The following BCL11B variants were observed in gnomAD, a reference collection of about 807,000 sequenced individuals.
The protein encoded by BCL11B is B-cell lymphoma/leukemia 11B.
BCL11B carries 8 observed loss-of-function variants against 49.9 expected under a neutral mutation model. The observed-to-expected ratio is 0.16, with a 90% CI of 0.09 to 0.29. The LOEUF (loss-of-function observed/expected upper bound fraction) is 0.29. Among genes scored for constraint, BCL11B ranks in the 10% least tolerant of loss-of-function variants. The pLI is 1.00. For synonymous variants in BCL11B, 739 were observed against 637.4 expected (o/e 1.16, Z -2.40); for missense variants, 1,006 against 1,351.0 (o/e 0.74, Z 4.00).
rs973140864 is a variant in BCL11B at position 99,262,191 on chromosome 14, T to A, written c.59-4352A>T. Among the ~76,000 whole-genome samples, 5 of 152,102 alleles carry A rather than the reference T, an allele frequency of 3.3e-5. No individual in the cohort carries two copies. The highest frequency in any genetic ancestry group is 1.2e-4 in the African/African-American group (5 of 41,412). The stretch of plus-strand genomic sequence containing the variant: ...AGCAGGGCCTTACCTGGCCAGTGAC[T>A]CCCCCACACACAGGGTGCCAAGGAC... On this transcript the variant is annotated intron_variant, in intron 1 of 3. Coordinates refer to ENST00000357195, the MANE Select transcript of BCL11B (RefSeq NM_138576.4). The surrounding 1 kb of genome is among the most constrained non-coding windows in gnomAD (Gnocchi z 4.2).
chr14:99,227,487 A>G (rs1202635506), intron 3 of BCL11B, among the ~76,000 whole-genome samples: 2 of 152,134 alleles, frequency 1.3e-5, no homozygotes, highest in Non-Finnish European at 2.9e-5. Flanking sequence ...CCAATCATGG[A>G]AGCCTCAGAA....
rs1040192610 is a variant in BCL11B at position 99,208,665 on chromosome 14, G to A, written c.640+22680C>T. Reference sequence around the variant, plus strand: ...TAATAACACTGCCTCCCTCCTGTCCGGGCAGGCTCGGGGCAGGGCCCCTTC... The same window carrying A: ...TAATAACACTGCCTCCCTCCTGTCCAGGCAGGCTCGGGGCAGGGCCCCTTC... On this transcript the variant is annotated intron_variant, in intron 3 of 3. Coordinates refer to ENST00000357195, the MANE Select transcript of BCL11B (RefSeq NM_138576.4). Among the ~76,000 whole-genome samples, 8 of 152,202 alleles carry A rather than the reference G, an allele frequency of 5.3e-5. No individual in the cohort carries two copies. The East Asian group carries it at 7.7e-4, about 15-fold the overall frequency.
At chr14:99,182,280 G>A (rs1335669724) in intron 3 of BCL11B, among the ~76,000 whole-genome samples, 16 of 152,158 alleles carry the variant, frequency 1.1e-4, no homozygotes, top group East Asian at 3.9e-4. Context: ...AGTACCCACC[G>A]TCATGATGAC....
At chr14:99,227,951 AG>A (rs1260389638) in intron 3 of BCL11B, among the ~76,000 whole-genome samples, 1 of 152,132 alleles carries the variant, frequency 6.6e-6, no homozygotes, top group Non-Finnish European at 1.5e-5. Context: ...AAAGAGGTCT[AG>A]GGTTGGGGTC....
In BCL11B at chr14:99,172,874, C is replaced by A; in HGVS notation, c.*1277G>T. The A allele has an allele frequency of 4.4e-6, 1 of 228,192 alleles. No homozygotes were observed. Among genetic ancestry groups the A allele is most frequent in the Non-Finnish European group, 8.7e-6 (1 of 114,708 alleles). The allele number at this position is 228,192 out of a possible 1,614,324, so 14.1% of individuals were successfully genotyped here. A position where few individuals can be genotyped will look rare whatever the true frequency, so the allele number is the denominator to read the frequency against. On this transcript the variant is annotated 3_prime_UTR_variant, in exon 4 of 4. Coordinates refer to ENST00000357195, the MANE Select transcript of BCL11B (RefSeq NM_138576.4). ...AAAAAAATAAAAACCTGGGAAGTAGCGCTGGGCACCTTCTGATGGAACTCA... is the reference window on the plus strand; with the variant it reads ...AAAAAAATAAAAACCTGGGAAGTAGAGCTGGGCACCTTCTGATGGAACTCA...
rs557896385 is a variant in BCL11B at position 99,272,070 on chromosome 14, G to A, written c.-852C>T. Reference sequence around the variant, plus strand: ...CTCCCCTGGCGCCGCGGGCCCGGGGGGAGCGGGGCGGAGGGGCGGCTCGCC... The same window carrying A: ...CTCCCCTGGCGCCGCGGGCCCGGGGAGAGCGGGGCGGAGGGGCGGCTCGCC... On this transcript the variant is annotated 5_prime_UTR_variant, in exon 1 of 4. Coordinates refer to ENST00000357195, the MANE Select transcript of BCL11B (RefSeq NM_138576.4). This position sits in a 1 kb window ranked among gnomAD's most constrained non-coding sequence, Gnocchi z 6.0. 6.6e-6 allele frequency among the ~76,000 whole-genome samples: 1 copy of A among 152,076 alleles called. No homozygotes were observed. Among genetic ancestry groups the A allele is most frequent in the South Asian group, 2.1e-4 (1 of 4,824 alleles).
At chr14:99,183,170 C>G (rs710308) in intron 3 of BCL11B, among the ~76,000 whole-genome samples, 1 of 151,878 alleles carries the variant, frequency 6.6e-6, no homozygotes, top group Non-Finnish European at 1.5e-5. Context: ...GTTTGACTCA[C>G]CTTGGGGGTT....
At chr14:99,225,055 G>A (rs1888120765) in intron 3 of BCL11B, among the ~76,000 whole-genome samples, 2 of 152,150 alleles carry the variant, frequency 1.3e-5, no homozygotes, top group Admixed American at 6.5e-5. Flanking sequence ...CTCAACATCA[G>A]AGCTCTACCT....
intron 2 of BCL11B, among the ~76,000 whole-genome samples, chr14:99,256,186 A>G (rs1023315694): frequency 6.6e-6 from 1 of 152,200 alleles, no homozygotes; most frequent in African/African-American, 2.4e-5. Context: ...AGAAGCATCG[A>G]AAGCCTGAGT....
chr14:99,231,232 C>A lies in BCL11B; in HGVS notation c.640+113G>T. On this transcript the variant is annotated intron_variant, in intron 3 of 3. Transcript: ENST00000357195. The surrounding 1 kb of genome is among the most constrained non-coding windows in gnomAD (Gnocchi z 8.1). Reference sequence around the variant, plus strand: ...CCACTTCCCCTGGCACCCCAAAAAGCCTTCTGGGTGGGAGCTGCCCTTCCT... The same window carrying A: ...CCACTTCCCCTGGCACCCCAAAAAGACTTCTGGGTGGGAGCTGCCCTTCCT... 8.3e-7 allele frequency: 1 copy of A among 1,197,748 alleles called. No individual in the cohort carries two copies. The highest frequency in any genetic ancestry group is 1.5e-5 in the African/African-American group (1 of 64,572). The allele number at this position is 1,197,748 out of a possible 1,614,324, so 74.2% of individuals were successfully genotyped here.
chr14:99,183,833 G>A (rs927340542), intron 3 of BCL11B, among the ~76,000 whole-genome samples: 1 of 151,164 alleles, frequency 6.6e-6, no homozygotes, highest in Non-Finnish European at 1.5e-5. Flanking sequence ...CCTCCACACC[G>A]GGCCCCCTCC....
chr14:99,256,930 A>C (rs1398603180), intron 2 of BCL11B, among the ~76,000 whole-genome samples: 1 of 152,090 alleles, frequency 6.6e-6, no homozygotes, highest in African/African-American at 2.4e-5. Flanking sequence ...CACATGGGAA[A>C]CTGAGTCCAG....
intron 3 of BCL11B, among the ~76,000 whole-genome samples, chr14:99,198,523 T>C: frequency 6.6e-6 from 1 of 152,176 alleles, no homozygotes; most frequent in East Asian, 1.9e-4. Context: ...TTCACCACTC[T>C]CTTTTCCATG....
At chr14:99,249,789 T>C (rs78626468) in intron 2 of BCL11B, among the ~76,000 whole-genome samples, 2,142 of 152,304 alleles carry the variant, frequency 0.014, 61 homozygotes, top group Admixed American at 0.071. Context: ...GCAGAGTCTT[T>C]AGAATAGTGT....
Position 99,195,897 on chromosome 14 carries a change from C to G in BCL11B, c.641-19702G>C, listed in dbSNP as rs576190056. Among the ~76,000 whole-genome samples the G allele has an allele frequency of 6.6e-6, 1 of 152,242 alleles. No homozygotes were observed. The highest frequency in any genetic ancestry group is 2.4e-5 in the African/African-American group (1 of 41,542). The stretch of plus-strand genomic sequence containing the variant: ...CCCTTAAAATTCTGCAGTCTGCACC[C>G]GCCCCTTGTGTCTGCGCGGCACAGT... On this transcript the variant is annotated intron_variant, in intron 3 of 3. Transcript: ENST00000357195. This position sits in a 1 kb window ranked among gnomAD's most constrained non-coding sequence, Gnocchi z 4.7.
At chr14:99,220,178 G>A (rs567974416) in intron 3 of BCL11B, among the ~76,000 whole-genome samples, 171 of 152,264 alleles carry the variant, frequency 1.1e-3, no homozygotes, top group African/African-American at 3.9e-3. Context: ...TATAGAAAAC[G>A]GTTTGGCAAT....
intron 3 of BCL11B, among the ~76,000 whole-genome samples, chr14:99,218,175 C>G (rs1887907670): frequency 6.7e-6 from 1 of 150,256 alleles, no homozygotes; most frequent in South Asian, 2.1e-4. Flanking sequence ...ACGCCATTCT[C>G]CTGCCTCAGC....
chr14:99,172,717 G>C lies in BCL11B; in HGVS notation c.*1434C>G, dbSNP rs1886330753. Reference sequence around the variant, plus strand: ...ACCTCTGGGCCAAAGAGAAGAATATGCTGCAATTTCTTGTTTAGAAGCCAT... The same window carrying C: ...ACCTCTGGGCCAAAGAGAAGAATATCCTGCAATTTCTTGTTTAGAAGCCAT... On this transcript the variant is annotated 3_prime_UTR_variant, in exon 4 of 4. Transcript: ENST00000357195. 4.6e-6 allele frequency: 1 copy of C among 217,528 alleles called. No homozygotes were observed. Among genetic ancestry groups the C allele is most frequent in the Admixed American group, 5.8e-5 (1 of 17,232 alleles). 13.5% of individuals were successfully genotyped at this position (217,528 alleles called of 1,614,324 possible). A position where few individuals can be genotyped will look rare whatever the true frequency, so the allele number is the denominator to read the frequency against.
chr14:99,180,517 C>T (rs932472233), intron 3 of BCL11B, among the ~76,000 whole-genome samples: 8 of 152,210 alleles, frequency 5.3e-5, no homozygotes, highest in African/African-American at 1.9e-4. Flanking sequence ...GTCCATACCC[C>T]TCTGCCTTGG....
Sources: allele counts gnomAD v4.1 joint callset (sites outside exome capture counted in the v4.1 genomes callset), GRCh38; gene constraint gnomAD v4.1.1; non-coding constraint Gnocchi (gnomAD v3.1); transcripts MANE v1.5; gene names NCBI Gene and HGNC (gene_info 2026-07-23, HGNC 2026-07-21).